The following GRID2 variants were observed in gnomAD, a reference collection of about 807,000 sequenced individuals.
The protein encoded by GRID2 is glutamate receptor ionotropic, delta-2.
A neutral mutation model predicts 114.8 loss-of-function variants in GRID2; 33 were observed. That is an observed-to-expected ratio of 0.29 (90% confidence interval 0.22 to 0.38). The LOEUF is 0.38. GRID2 is among the 10% of genes least tolerant of loss of function. The probability of loss-of-function intolerance (pLI) is 1.00; values close to 1 mark genes in which losing one functional copy is unlikely to be tolerated. For missense variants in GRID2, 1,184 were observed against 1,257.7 expected, an observed-to-expected ratio of 0.94 and a Z score of 0.89; for synonymous variants, 505 against 449.9, an observed-to-expected ratio of 1.12 and a Z score of -1.55.
chr4:93,511,782 T>C (rs1352259580), intron 12 of GRID2, among the ~76,000 whole-genome samples: 5 of 151,432 alleles, frequency 3.3e-5, no homozygotes, highest in Non-Finnish European at 7.4e-5. Flanking sequence ...CCTTCTTCTT[T>C]TTTTTTTTTT....
intron 4 of GRID2, among the ~76,000 whole-genome samples, chr4:93,144,123 A>C (rs571966357): frequency 6.6e-6 from 1 of 152,290 alleles, no homozygotes; most frequent in South Asian, 2.1e-4. Context: ...CAGATAATTT[A>C]CATTTCTAAC....
chr4:92,766,068 C>A (rs996228190), intron 2 of GRID2, among the ~76,000 whole-genome samples: 1 of 152,150 alleles, frequency 6.6e-6, no homozygotes, highest in Non-Finnish European at 1.5e-5. Flanking sequence ...GACTAGTGAG[C>A]TCTAGGAGAT....
At chr4:93,391,437 A>G (rs1046180153) in intron 8 of GRID2, among the ~76,000 whole-genome samples, 2 of 152,134 alleles carry the variant, frequency 1.3e-5, no homozygotes, top group Non-Finnish European at 1.5e-5. Context: ...TAAACAAAAC[A>G]TTGTGGCTGG....
At chr4:92,571,013 T>C (rs1255157864) in intron 1 of GRID2, among the ~76,000 whole-genome samples, 1 of 152,060 alleles carries the variant, frequency 6.6e-6, no homozygotes, top group East Asian at 1.9e-4. Flanking sequence ...GTGGACAAGC[T>C]TGTCTTGTGC....
At chr4:92,974,322 C>T (rs969043514) in intron 2 of GRID2, among the ~76,000 whole-genome samples, 1 of 152,122 alleles carries the variant, frequency 6.6e-6, no homozygotes, top group African/African-American at 2.4e-5. Flanking sequence ...TTTGACCCAG[C>T]AATCCCATTA....
At chr4:93,672,916 G>A (rs1051378612) in intron 14 of GRID2, among the ~76,000 whole-genome samples, 1 of 152,152 alleles carries the variant, frequency 6.6e-6, no homozygotes, top group Admixed American at 6.5e-5. Flanking sequence ...AGGATGATAA[G>A]GAGATTACAT....
chr4:93,589,223 C>G (rs1275047041), intron 13 of GRID2, among the ~76,000 whole-genome samples: 1 of 134,642 alleles, frequency 7.4e-6, no homozygotes, highest in Admixed American at 8.1e-5. Context: ...CACAACAGTC[C>G]CCAGTGTGTG....
At chr4:92,770,760 TA>T (rs965511593) in intron 2 of GRID2, among the ~76,000 whole-genome samples, 17 of 152,092 alleles carry the variant, frequency 1.1e-4, no homozygotes, top group Non-Finnish European at 2.5e-4. Context: ...CCCACCACCA[TA>T]ATTCAATCAC....
intron 11 of GRID2, among the ~76,000 whole-genome samples, chr4:93,463,833 CA>C (rs1435877846): frequency 6.6e-6 from 1 of 151,800 alleles, no homozygotes; most frequent in Non-Finnish European, 1.5e-5. Context: ...ACTAAAAATA[CA>C]AAAAATTAGC....
chr4:92,571,598 C>T (rs9678025), intron 1 of GRID2, among the ~76,000 whole-genome samples: 19 of 151,904 alleles, frequency 1.3e-4, no homozygotes, highest in Non-Finnish European at 1.5e-5. Flanking sequence ...CAGCACCACA[C>T]CGCACTTATT....
chr4:92,907,519 C>A (rs746800472), intron 2 of GRID2, among the ~76,000 whole-genome samples: 1 of 152,108 alleles, frequency 6.6e-6, no homozygotes, highest in Non-Finnish European at 1.5e-5. Flanking sequence ...TCAAGCAATT[C>A]TCCTGCCTCA....
intron 2 of GRID2, among the ~76,000 whole-genome samples, chr4:93,076,725 C>A (rs1484901471): frequency 1.3e-5 from 2 of 149,416 alleles, no homozygotes; most frequent in Admixed American, 6.7e-5. Flanking sequence ...TCAAGCAATT[C>A]TCCTGCCTCA....
At chr4:92,682,486 C>T (rs887608628) in intron 2 of GRID2, among the ~76,000 whole-genome samples, 3 of 152,104 alleles carry the variant, frequency 2.0e-5, no homozygotes, top group Non-Finnish European at 4.4e-5. Context: ...CTGGTCTAAG[C>T]CTGAAAGTAT....
At chr4:93,750,328 A>G (rs773307486) in intron 14 of GRID2, among the ~76,000 whole-genome samples, 2 of 152,226 alleles carry the variant, frequency 1.3e-5, no homozygotes, top group Non-Finnish European at 2.9e-5. Flanking sequence ...AGTGCTGTTT[A>G]AAAATATAGA....
At chr4:92,369,501 A>C (rs1729019928) in intron 1 of GRID2, among the ~76,000 whole-genome samples, 1 of 152,178 alleles carries the variant, frequency 6.6e-6, no homozygotes, top group Non-Finnish European at 1.5e-5. Flanking sequence ...TACAAGGCTG[A>C]TTTAGTTACT....
chr4:92,341,128 T>C (rs1490167860), intron 1 of GRID2, among the ~76,000 whole-genome samples: 3 of 152,214 alleles, frequency 2.0e-5, no homozygotes, highest in Admixed American at 1.3e-4. Flanking sequence ...ATAGTATATA[T>C]AAAAGCGCAG....
chr4:92,761,425 T>G (rs997669175), intron 2 of GRID2, among the ~76,000 whole-genome samples: 1 of 152,190 alleles, frequency 6.6e-6, no homozygotes. Flanking sequence ...TAGTCAGATA[T>G]AAGAAATAGT....
At chr4:93,211,392 T>G (rs1743457461) in intron 5 of GRID2, among the ~76,000 whole-genome samples, 1 of 152,174 alleles carries the variant, frequency 6.6e-6, no homozygotes. Context: ...TTAAACTTAT[T>G]AAATTTTATT....
rs559975439 is a variant in GRID2, at chr4:93,295,205, C to G, written c.1245+56715C>G. ...AGATTAAAAATAAATTCAAAGGGAT[C>G]AGCACATGGGGAAGATTTAAAATAA... On this transcript the variant is annotated intron_variant, in intron 8 of 15. Coordinates refer to ENST00000282020, the MANE Select transcript of GRID2 (RefSeq NM_001510.4). 5.3e-5 allele frequency among the ~76,000 whole-genome samples: 8 copies of G among 152,182 alleles called. No individual in the cohort carries two copies. In the East Asian group the frequency reaches 1.5e-3, roughly 29 times the overall value.
Sources: allele counts gnomAD v4.1 joint callset (sites outside exome capture counted in the v4.1 genomes callset), GRCh38; gene constraint gnomAD v4.1.1; transcripts MANE v1.5; gene names NCBI Gene and HGNC (gene_info 2026-07-23, HGNC 2026-07-21).